The following PCNX2 variants were observed in gnomAD, a reference collection of about 807,000 sequenced individuals.
PCNX2 encodes the protein pecanex-like protein 2.
Under a neutral mutation model 223.8 loss-of-function variants are expected in PCNX2, and 168 were observed. The observed-to-expected ratio is 0.75, with a 90% CI of 0.66 to 0.85. The LOEUF (loss-of-function observed/expected upper bound fraction) is 0.85, where lower values mean the gene tolerates loss of function less well. Ranked by LOEUF, PCNX2 falls within the 40% of genes least tolerant of loss-of-function variation. PCNX2 has a pLI of 0.00. For synonymous variants in PCNX2, 1,006 were observed against 1,052.6 expected, an observed-to-expected ratio of 0.96 and a Z score of 0.86; for missense variants, 2,507 against 2,675.5, an observed-to-expected ratio of 0.94 and a Z score of 1.39.
intron 25 of PCNX2, among the ~76,000 whole-genome samples, chr1:233,048,677 A>G (rs1277749987): frequency 6.6e-6 from 1 of 152,192 alleles, no homozygotes; most frequent in African/African-American, 2.4e-5. Context: ...ACTGAACAAA[A>G]TTGAGACCCC....
At chr1:233,038,581 T>A (rs886104424) in intron 25 of PCNX2, among the ~76,000 whole-genome samples, 3 of 152,194 alleles carry the variant, frequency 2.0e-5, no homozygotes, top group African/African-American at 4.8e-5. Flanking sequence ...TGGTCAGGGA[T>A]TCTGAATGGA....
chr1:233,131,718 G>T (rs1368678408), intron 21 of PCNX2, among the ~76,000 whole-genome samples: 3 of 151,942 alleles, frequency 2.0e-5, no homozygotes, highest in Non-Finnish European at 4.4e-5. Context: ...CCTTGCTTTT[G>T]TCTCACTAAT....
Position 233,054,424 on chromosome 1 carries a change from C to CCTG in PCNX2, c.4192_4194dup (p.Gln1398dup). 1.2e-6 allele frequency: 2 copies of CCTG among 1,613,804 alleles called. No homozygotes were observed. Among genetic ancestry groups the CCTG allele is most frequent in the Non-Finnish European group, 1.7e-6 (2 of 1,179,802 alleles). On this transcript the variant is annotated inframe_insertion, in exon 25 of 34. Transcript: ENST00000258229. Reference sequence around the variant, plus strand: ...AGAACTAAGTCTCCACAGAGGGACTCCTGGAGGGTCCTTGTCAAGTGTTCA... The same window carrying CCTG: ...AGAACTAAGTCTCCACAGAGGGACTCCTGCTGGAGGGTCCTTGTCAAGTGTTCA...
At chr1:233,089,824 G>C (rs1455742355) in intron 23 of PCNX2, 1 of 1,223,976 alleles carries the variant, frequency 8.2e-7, no homozygotes, top group Non-Finnish European at 1.0e-6. Flanking sequence ...CTTCACAACT[G>C]GTGAAACCTG....
intron 25 of PCNX2, among the ~76,000 whole-genome samples, chr1:233,052,969 C>T (rs1301794977): frequency 2.0e-5 from 3 of 151,764 alleles, no homozygotes; most frequent in African/African-American, 4.8e-5. Context: ...TGGGCACTTC[C>T]CTGTCTCTGC....
chr1:233,180,709 C>T (rs907535627), intron 15 of PCNX2: 2 of 152,120 alleles, frequency 1.3e-5, no homozygotes, highest in Non-Finnish European at 2.9e-5. Context: ...TTTCTTTTAT[C>T]TTCCCCATTG....
At chr1:233,005,220 C>T (rs1263530062) in intron 28 of PCNX2, among the ~76,000 whole-genome samples, 2 of 152,162 alleles carry the variant, frequency 1.3e-5, no homozygotes, top group Non-Finnish European at 2.9e-5. Context: ...AATGGCCTGG[C>T]ATATGCATAA....
intron 25 of PCNX2, among the ~76,000 whole-genome samples, chr1:233,052,539 TG>T (rs1672044540): frequency 6.6e-6 from 1 of 152,196 alleles, no homozygotes. Context: ...GACTCCAACC[TG>T]ACACCAGTGC....
At chr1:233,217,842 C>G in intron 12 of PCNX2, 57 bp downstream of exon 12, 1 of 1,605,660 alleles carries the variant, frequency 6.2e-7, no homozygotes, top group South Asian at 1.1e-5. Context: ...TTGGCTTTTT[C>G]CCTGTCTTCA....
At chr1:233,294,328 T>C (rs1016035481) in intron 1 of PCNX2, among the ~76,000 whole-genome samples, 1 of 152,122 alleles carries the variant, frequency 6.6e-6, no homozygotes, top group African/African-American at 2.4e-5. Context: ...GTAAATAACC[T>C]CCCCAAGGTC....
intron 9 of PCNX2, among the ~76,000 whole-genome samples, chr1:233,228,188 TTCCCGTTC>T (rs1472316459): frequency 2.0e-5 from 3 of 152,086 alleles, no homozygotes; most frequent in Non-Finnish European, 4.4e-5. Context: ...TGTGTTTTGT[TTCCCGTTC>T]TCCGTGTACA....
At chr1:233,320,503 C>T in the PCNX2 span, among the ~76,000 whole-genome samples, 1 of 152,186 alleles carries the variant, frequency 6.6e-6, no homozygotes, top group South Asian at 2.1e-4. Context: ...TCCTCCCTTT[C>T]TCCTTCCTCA....
chr1:233,054,045 C>T (rs1347152301), intron 25 of PCNX2, among the ~76,000 whole-genome samples: 1 of 152,088 alleles, frequency 6.6e-6, no homozygotes, highest in Non-Finnish European at 1.5e-5. Context: ...AAACCAATGT[C>T]CTGGTTTGCT....
chr1:233,310,481 G>A, the PCNX2 span, among the ~76,000 whole-genome samples: 7 of 152,140 alleles, frequency 4.6e-5, no homozygotes, highest in Non-Finnish European at 1.0e-4. Context: ...AGAATAATGC[G>A]GACCACATTT....
rs758882392 is a variant in PCNX2, at chr1:232,998,344, G to A, written c.5698C>T (p.Pro1900Ser). Residue 1900 changes from proline (P) to serine (S), a missense_variant, in exon 32 of 34, where the codon CCG (proline) becomes TCG (serine). Coordinates refer to ENST00000258229, the MANE Select transcript of PCNX2 (RefSeq NM_014801.4). ...CTGCTCTCCTGGCTGCCACCACTCG[G>A]GGCATTGTTGCCACCTGTCGTCGGG... The part of the protein sequence containing the change: ...GAPTTGGNNA[P>S]SGGSQESSAE... The A allele has an allele frequency of 9.9e-6, 16 of 1,613,124 alleles. No homozygotes were observed. The highest frequency in any genetic ancestry group is 1.3e-5 in the African/African-American group (1 of 75,012).
chr1:232,998,932 T>G (rs1306771982), intron 31 of PCNX2, among the ~76,000 whole-genome samples, 173 bp downstream of exon 31: 1 of 152,214 alleles, frequency 6.6e-6, no homozygotes, highest in Admixed American at 6.5e-5. Context: ...ATTCATAATC[T>G]GAGACTGCTT....
chr1:233,218,199 T>C lies in PCNX2; in HGVS notation c.2505-15A>G. On this transcript the variant is annotated splice_polypyrimidine_tract_variant and intron_variant, in intron 10 of 33. Coordinates refer to ENST00000258229, the MANE Select transcript of PCNX2 (RefSeq NM_014801.4). ...TGTCTTCAGTTCTGTGCAAAATATATACATAAAAGCAAAAAAAAAAAAAAA... is the reference window on the plus strand; with the variant it reads ...TGTCTTCAGTTCTGTGCAAAATATACACATAAAAGCAAAAAAAAAAAAAAA... 1 of 225,674 alleles carries C rather than the reference T, an allele frequency of 4.4e-6. No homozygotes were observed. Among genetic ancestry groups the C allele is most frequent in the Non-Finnish European group, 7.8e-6 (1 of 128,376 alleles). The allele number at this position is 225,674 out of a possible 1,614,324, so 14.0% of individuals were successfully genotyped here.
chr1:233,109,420 C>A (rs978511465), intron 21 of PCNX2, among the ~76,000 whole-genome samples: 1 of 152,164 alleles, frequency 6.6e-6, no homozygotes, highest in Non-Finnish European at 1.5e-5. Flanking sequence ...AAGGGCTGTA[C>A]TGGAAAACAA....
intron 15 of PCNX2, among the ~76,000 whole-genome samples, chr1:233,186,581 A>C (rs1680112040): frequency 6.6e-6 from 1 of 152,208 alleles, no homozygotes. Flanking sequence ...TGAACACCCC[A>C]GAAGGGGCTC....
Sources: allele counts gnomAD v4.1 joint callset (sites outside exome capture counted in the v4.1 genomes callset), GRCh38; gene constraint gnomAD v4.1.1; transcripts MANE v1.5; gene names NCBI Gene and HGNC (gene_info 2026-07-23, HGNC 2026-07-21).